ZDHHC15: variants seen among roughly 807,000 people sequenced by gnomAD.
ZDHHC15 encodes the protein palmitoyltransferase ZDHHC15.
In ZDHHC15, 19 loss-of-function variants were observed where a neutral mutation model predicts 31.7. That is an observed-to-expected ratio of 0.60 (90% CI 0.42 to 0.88). ZDHHC15 has a LOEUF of 0.88. Ranked by LOEUF, ZDHHC15 falls within the 40% of genes least tolerant of loss-of-function variation. ZDHHC15 has a pLI of 0.00. For missense variants in ZDHHC15, 209 were observed against 251.2 expected, an observed-to-expected ratio of 0.83 and a Z score of 1.14; for synonymous variants, 103 against 90.0, an observed-to-expected ratio of 1.14 and a Z score of -0.82.
intron 3 of ZDHHC15, among the ~76,000 whole-genome samples, chrX:75,458,752 A>C (rs1164790242): frequency 9.1e-6 from 1 of 109,612 alleles, no homozygotes; most frequent in East Asian, 2.9e-4. Flanking sequence ...GAACTGAACA[A>C]ATTCATACTG....
chrX:75,480,572 C>A (rs756140481), intron 2 of ZDHHC15, among the ~76,000 whole-genome samples: 2 of 111,159 alleles, frequency 1.8e-5, no homozygotes, highest in Admixed American at 9.6e-5. Context: ...TGGAAGCAAC[C>A]AACATCACAA....
chrX:75,396,928 C>T, intron 10 of ZDHHC15, among the ~76,000 whole-genome samples: 1 of 111,253 alleles, frequency 9.0e-6, no homozygotes, highest in Middle Eastern at 4.6e-3. Context: ...TTTTGGGGAG[C>T]TAAAAATTAA....
At chrX:75,399,396 C>T (rs185341157) in intron 10 of ZDHHC15, among the ~76,000 whole-genome samples, 1 of 111,909 alleles carries the variant, frequency 8.9e-6, no homozygotes, top group African/African-American at 3.2e-5. Flanking sequence ...CTGTAGTTGA[C>T]CCAAGGAGAG....
rs372660538 is a variant in ZDHHC15, at chrX:75,410,371, GA to G, written c.967+6715del. ...GCTCAAACAACTTAATAGCAAAAAA[GA>G]AAAAAAAAGAAAAGAAAAAAGAAAA... On this transcript the variant is annotated intron_variant, in intron 10 of 11. Transcript: ENST00000373367. Among the ~76,000 whole-genome samples the G allele has an allele frequency of 7.4e-4, 75 of 101,000 alleles. 1 individual carries two copies. In the Admixed American group the frequency reaches 7.6e-3, roughly 10 times the overall value. The allele number at this position is 101,000 out of a possible 115,157, so 87.7% of individuals were successfully genotyped here.
At chrX:75,493,541 C>G (rs1276209866) in intron 2 of ZDHHC15, among the ~76,000 whole-genome samples, 3 of 111,876 alleles carry the variant, frequency 2.7e-5, no homozygotes, top group Non-Finnish European at 5.6e-5. Context: ...CAGTAAAATA[C>G]TGGCAAATGG....
At position 75,471,049 on chromosome X, in the gene ZDHHC15, G is replaced by A. The variant is rs7059344; in HGVS notation, c.258+7842C>T. Among the ~76,000 whole-genome samples the A allele has an allele frequency of 7.7e-4, 86 of 112,204 alleles. 1 individual carries two copies. The highest frequency in any genetic ancestry group is 2.6e-3 in the African/African-American group (80 of 30,926). ...TTTTGGAGAATTACAGTGGATTATC[G>A]TAAGCTTCACGATGACTCCAATTGC... On this transcript the variant is annotated intron_variant, in intron 3 of 11. Coordinates refer to ENST00000373367, the MANE Select transcript of ZDHHC15 (RefSeq NM_144969.3).
chrX:75,463,668 G>A (rs1036631114), intron 3 of ZDHHC15, among the ~76,000 whole-genome samples: 1 of 111,886 alleles, frequency 8.9e-6, no homozygotes, highest in Non-Finnish European at 1.9e-5. Flanking sequence ...AGACATTTAT[G>A]CAGCCAACAG....
chrX:75,384,003 A>G (rs2083152654), intron 10 of ZDHHC15, among the ~76,000 whole-genome samples: 1 of 109,455 alleles, frequency 9.1e-6, no homozygotes, highest in African/African-American at 3.3e-5. Flanking sequence ...CGGCCTCCCA[A>G]AGTGTTGGGA....
chrX:75,376,547 A>C (rs2083062581), intron 11 of ZDHHC15, among the ~76,000 whole-genome samples: 1 of 111,424 alleles, frequency 9.0e-6, no homozygotes, highest in African/African-American at 3.3e-5. Flanking sequence ...CTTACATTTA[A>C]GTCTTTAATC....
chrX:75,399,594 TCTC>T (rs1432736132), intron 10 of ZDHHC15, among the ~76,000 whole-genome samples: 1 of 111,139 alleles, frequency 9.0e-6, no homozygotes, highest in Non-Finnish European at 1.9e-5. Context: ...ACTACTAAGA[TCTC>T]CTCCTCTGCT....
At chrX:75,500,405 T>G (rs1309221970) in intron 2 of ZDHHC15, among the ~76,000 whole-genome samples, 1 of 109,339 alleles carries the variant, frequency 9.1e-6, no homozygotes, top group African/African-American at 3.4e-5. Context: ...TATTAAAAAA[T>G]ATAGTTTCAG....
At chrX:75,488,993 C>T (rs1266474787) in intron 2 of ZDHHC15, among the ~76,000 whole-genome samples, 1 of 111,803 alleles carries the variant, frequency 8.9e-6, no homozygotes, top group African/African-American at 3.2e-5. Flanking sequence ...ACAGAGCCTC[C>T]TTCATTGCTA....
chrX:75,450,992 T>C, intron 3 of ZDHHC15, 70 bp from the exon 4 acceptor site: 1 of 1,105,404 alleles, frequency 9.0e-7, no homozygotes, highest in East Asian at 3.2e-5. Context: ...CCAACAACAA[T>C]AACTACTTTA....
chrX:75,482,498 T>A (rs2084706751), intron 2 of ZDHHC15, among the ~76,000 whole-genome samples: 1 of 111,491 alleles, frequency 9.0e-6, no homozygotes, highest in South Asian at 3.8e-4. Flanking sequence ...CTTCCAGGTA[T>A]CCTAATTTCT....
At chrX:75,382,813 C>T (rs2083129973) in intron 10 of ZDHHC15, among the ~76,000 whole-genome samples, 1 of 111,768 alleles carries the variant, frequency 8.9e-6, no homozygotes, top group African/African-American at 3.3e-5. Flanking sequence ...AGCTTGACAT[C>T]TGTCCCATCA....
At chrX:75,489,380 C>T (rs1234576376) in intron 2 of ZDHHC15, among the ~76,000 whole-genome samples, 2 of 111,554 alleles carry the variant, frequency 1.8e-5, no homozygotes, top group Admixed American at 1.9e-4. Context: ...CAGGGCACTC[C>T]TATGAGACAA....
chrX:75,413,380 TTCGGCAACTAATTTGA>T (rs1168516619), intron 10 of ZDHHC15, among the ~76,000 whole-genome samples: 1 of 111,381 alleles, frequency 9.0e-6, no homozygotes, highest in African/African-American at 3.3e-5. Context: ...AATCAAAGAG[TTCGGCAACTAATTTGA>T]AAGGAGTGAC....
intron 10 of ZDHHC15, among the ~76,000 whole-genome samples, chrX:75,406,632 G>T (rs1400687592): frequency 1.8e-5 from 2 of 108,297 alleles, no homozygotes; most frequent in African/African-American, 3.4e-5. Flanking sequence ...AACCTACCAA[G>T]GTTGAACCAT....
intron 4 of ZDHHC15, among the ~76,000 whole-genome samples, chrX:75,435,552 G>C (rs1271056560): frequency 1.8e-5 from 2 of 111,644 alleles, no homozygotes; most frequent in African/African-American, 6.5e-5. Flanking sequence ...AATCATAAAG[G>C]GATGCTGGAT....
Sources: allele counts gnomAD v4.1 joint callset (sites outside exome capture counted in the v4.1 genomes callset), GRCh38; gene constraint gnomAD v4.1.1; transcripts MANE v1.5; gene names NCBI Gene and HGNC (gene_info 2026-07-23, HGNC 2026-07-21).